The following GID4 variants were observed in gnomAD, a reference collection of about 807,000 sequenced individuals.
The protein encoded by GID4 is GID complex subunit 4 homolog, also known as glucose-induced degradation protein 4 homolog.
Under a neutral mutation model 32.4 loss-of-function variants are expected in GID4, and 7 were observed. The ratio of observed to expected loss-of-function variants is 0.22; its 90% CI spans 0.12 to 0.41. GID4 has a LOEUF of 0.41. Ranked by LOEUF, GID4 falls within the 10% of genes least tolerant of loss-of-function variation. The pLI is 1.00. For missense variants in GID4, 309 were observed against 400.0 expected (o/e 0.77, Z 1.94); for synonymous variants, 166 against 170.0 (o/e 0.98, Z 0.18).
intron 2 of GID4, among the ~76,000 whole-genome samples, chr17:18,050,102 C>T (rs903301195): frequency 1.3e-5 from 2 of 152,154 alleles, no homozygotes; most frequent in African/African-American, 4.8e-5. Flanking sequence ...TGTATATATA[C>T]CACGTTTTCT....
intron 3 of GID4, among the ~76,000 whole-genome samples, chr17:18,055,737 G>T (rs2044960880): frequency 6.6e-6 from 1 of 152,026 alleles, no homozygotes; most frequent in Non-Finnish European, 1.5e-5. Flanking sequence ...TGATCCTCTT[G>T]CCTTGTCCTC....
chr17:18,045,890 T>A (rs1261393734), intron 2 of GID4, among the ~76,000 whole-genome samples: 7 of 130,374 alleles, frequency 5.4e-5, no homozygotes, highest in African/African-American at 1.8e-4. Flanking sequence ...AGACCCTGTC[T>A]CAAAAAAAAA....
chr17:18,063,651 T>C (rs1390201562), intron 5 of GID4, among the ~76,000 whole-genome samples: 1 of 152,240 alleles, frequency 6.6e-6, no homozygotes, highest in Non-Finnish European at 1.5e-5. Context: ...TTCTGGCTTT[T>C]TTCACTTAGC....
At chr17:18,063,722 A>G (rs1189530094) in intron 5 of GID4, among the ~76,000 whole-genome samples, 1 of 152,152 alleles carries the variant, frequency 6.6e-6, no homozygotes, top group Admixed American at 6.6e-5. Context: ...TTTATTGCCA[A>G]TTAATTTTCC....
chr17:18,043,158 C>T (rs2044819867), intron 1 of GID4, among the ~76,000 whole-genome samples: 1 of 152,168 alleles, frequency 6.6e-6, no homozygotes, highest in Non-Finnish European at 1.5e-5. Context: ...TAAACACGTG[C>T]CCTGTTATCT....
chr17:18,056,717 T>C (rs1235985581), intron 3 of GID4: 8 of 1,549,768 alleles, frequency 5.2e-6, no homozygotes, highest in Non-Finnish European at 6.1e-6. Flanking sequence ...TTGGAAGATA[T>C]CTGGATCTGC....
At chr17:18,040,013 C>A in intron 1 of GID4, 111 bp downstream of exon 1, 1 of 1,234,658 alleles carries the variant, frequency 8.1e-7, no homozygotes, top group South Asian at 3.6e-5. Flanking sequence ...GCCGCCGGGG[C>A]CTCCTGCACC....
chr17:18,043,458 T>G (rs2044822575), intron 1 of GID4, among the ~76,000 whole-genome samples: 1 of 152,230 alleles, frequency 6.6e-6, no homozygotes, highest in African/African-American at 2.4e-5. Flanking sequence ...TACATGAAAT[T>G]TAAAGACTCA....
chr17:18,043,740 T>C (rs555349148), intron 1 of GID4, among the ~76,000 whole-genome samples: 8 of 152,336 alleles, frequency 5.3e-5, no homozygotes, highest in African/African-American at 1.7e-4. Context: ...TATGGTATAA[T>C]TGGAAGTAAT....
chr17:18,044,755 G>A (rs2044836367), intron 1 of GID4, among the ~76,000 whole-genome samples: 1 of 152,202 alleles, frequency 6.6e-6, no homozygotes, highest in Admixed American at 6.5e-5. Context: ...TAGAAAGAAA[G>A]TCAAGCCTGA....
chr17:18,053,751 G>A (rs544529691), intron 2 of GID4, among the ~76,000 whole-genome samples: 2 of 152,326 alleles, frequency 1.3e-5, no homozygotes, highest in South Asian at 4.1e-4. Context: ...CAGTGATTTT[G>A]GAGCCTCTTT....
chr17:18,039,409 T>G lies in GID4; in HGVS notation c.-56T>G. 7.7e-6 allele frequency: 9 copies of G among 1,174,282 alleles called. No individual in the cohort carries two copies. The highest frequency in any genetic ancestry group is 1.0e-5 in the Non-Finnish European group (9 of 867,640). The allele number at this position is 1,174,282 out of a possible 1,614,324, so 72.7% of individuals were successfully genotyped here. A position where few individuals can be genotyped will look rare whatever the true frequency, so the allele number is the denominator to read the frequency against. ...TGAGCCAATCGGAAGGGGCGGGGTG[T>G]GTGTGTGTCTGTGTGTGTTTGTGTG... On this transcript the variant is annotated 5_prime_UTR_variant, in exon 1 of 6. Coordinates refer to ENST00000268719, the MANE Select transcript of GID4 (RefSeq NM_024052.5). This position sits in a 1 kb window ranked among gnomAD's most constrained non-coding sequence, Gnocchi z 5.3.
chr17:18,040,105 AGCCCGTCGTGACCG>A (rs2044777387), intron 1 of GID4, among the ~76,000 whole-genome samples: 2 of 151,874 alleles, frequency 1.3e-5, no homozygotes, highest in South Asian at 4.2e-4. Flanking sequence ...TCGGACCCAG[AGCCCGTCGTGACCG>A]GCTCCTGGCG....
chr17:18,052,719 A>G lies in GID4; in HGVS notation c.499-1408A>G, dbSNP rs181756399. On this transcript the variant is annotated intron_variant, in intron 2 of 5. Coordinates refer to ENST00000268719, the MANE Select transcript of GID4 (RefSeq NM_024052.5). ...TTAAAATCATTGGTGCCTACTTATT[A>G]ACACATGAACAAAGAGCAATTAACA... 2.9e-3 allele frequency among the ~76,000 whole-genome samples: 441 copies of G among 152,336 alleles called. 3 individuals are homozygous for G. The highest frequency in any genetic ancestry group is 5.3e-3 in the Non-Finnish European group (360 of 68,042).
chr17:18,049,250 C>T (rs1243431553), intron 2 of GID4, among the ~76,000 whole-genome samples: 2 of 150,464 alleles, frequency 1.3e-5, no homozygotes, highest in Admixed American at 6.7e-5. Flanking sequence ...GCAAGAGAAT[C>T]GCTTGAACCC....
intron 2 of GID4, among the ~76,000 whole-genome samples, chr17:18,047,389 C>T (rs754602063): frequency 1.3e-5 from 2 of 152,228 alleles, no homozygotes; most frequent in Non-Finnish European, 2.9e-5. Context: ...GGAATGTTAA[C>T]GCTGACTCCA....
In GID4 at chr17:18,039,794, C is replaced by G. The variant is rs2044769975; in HGVS notation, c.330C>G (p.Ile110Met). The change falls in exon 1 of 6, where the codon ATC becomes ATG. Residue 110 changes from isoleucine to methionine, a missense_variant. Ile to Met is a conservative substitution (Grantham distance 10). Transcript: ENST00000268719. The surrounding 1 kb of genome is among the most constrained non-coding windows in gnomAD (Gnocchi z 5.3). ...CCTCACTCATCCCGCCGCCGCCCAT[C>G]AACACCCAGCAGCCCGGCGTGGCCA... Reference protein sequence around the residue: ...SAASLIPPPPINTQQPGVATS... With the variant: ...SAASLIPPPPMNTQQPGVATS... The G allele has an allele frequency of 6.3e-7, 1 of 1,576,842 alleles. No individual in the cohort carries two copies. Among genetic ancestry groups the G allele is most frequent in the East Asian group, 2.5e-5 (1 of 40,586 alleles).
chr17:18,044,923 T>G (rs2044838155), intron 1 of GID4, among the ~76,000 whole-genome samples: 1 of 152,198 alleles, frequency 6.6e-6, no homozygotes, highest in African/African-American at 2.4e-5. Context: ...TCTCATGATA[T>G]TCAGCTGAAG....
At chr17:18,040,343 T>A (rs2044782170) in intron 1 of GID4, among the ~76,000 whole-genome samples, 1 of 152,200 alleles carries the variant, frequency 6.6e-6, no homozygotes, top group South Asian at 2.1e-4. Flanking sequence ...TCAGATTCTC[T>A]CAGACCTGAG....
Sources: allele counts gnomAD v4.1 joint callset (sites outside exome capture counted in the v4.1 genomes callset), GRCh38; gene constraint gnomAD v4.1.1; non-coding constraint Gnocchi (gnomAD v3.1); transcripts MANE v1.5; gene names NCBI Gene and HGNC (gene_info 2026-07-23, HGNC 2026-07-21).